AAR2: variants seen among roughly 807,000 people sequenced by gnomAD.
AAR2 encodes protein AAR2 homolog.
A neutral mutation model predicts 26.9 loss-of-function variants in AAR2; 31 were observed. That is an observed-to-expected ratio of 1.15 (90% CI 0.86 to 1.55). The LOEUF (loss-of-function observed/expected upper bound fraction) is 1.55. Among genes scored for constraint, AAR2 ranks in the 40% most tolerant of loss-of-function variants. AAR2 has a pLI of 0.00. For missense variants in AAR2, 430 were observed against 491.3 expected, an observed-to-expected ratio of 0.88 and a Z score of 1.18; for synonymous variants, 188 against 196.1, an observed-to-expected ratio of 0.96 and a Z score of 0.34.
intron 2 of AAR2, 100 bp downstream of exon 2, chr20:36,240,725 T>C: frequency 1.0e-5 from 15 of 1,429,638 alleles, no homozygotes; most frequent in Non-Finnish European, 5.6e-6. Context: ...CAGCAGCAAC[T>C]AAACCTGGCT....
intron 1 of AAR2, among the ~76,000 whole-genome samples, chr20:36,237,885 C>T (rs2064632053): frequency 6.6e-6 from 1 of 151,564 alleles, no homozygotes; most frequent in African/African-American, 2.4e-5. Context: ...CAGGTTCAAG[C>T]AATTCTTCTG....
chr20:36,245,207 T>G (rs2064722884), intron 3 of AAR2, among the ~76,000 whole-genome samples: 1 of 152,176 alleles, frequency 6.6e-6, no homozygotes, highest in South Asian at 2.1e-4. Flanking sequence ...TTACTCAGCT[T>G]AAAACAGCGT....
Position 36,240,102 on chromosome 20 carries a change from C to T in AAR2, c.234C>T (p.Phe78=), listed in dbSNP as rs770503157. Residue 78 remains phenylalanine (F), a synonymous_variant, in exon 2 of 4, where the codon TTC becomes TTT. Transcript: ENST00000320849. ...PKEVGPRMGF[F]LSLHQRGLTV... is the part of the protein sequence containing the mutation. ...AAGTAGGCCCTCGTATGGGTTTCTT[C>T]CTTAGCCTGCACCAGCGGGGGCTGA... 3.1e-6 allele frequency: 5 copies of T among 1,614,222 alleles called. No homozygotes were observed. The highest frequency in any genetic ancestry group is 4.2e-6 in the Non-Finnish European group (5 of 1,180,040).
At chr20:36,241,211 C>T (rs1374913815) in intron 2 of AAR2, among the ~76,000 whole-genome samples, 2 of 152,110 alleles carry the variant, frequency 1.3e-5, no homozygotes, top group African/African-American at 2.4e-5. Context: ...GGTATATTTA[C>T]GTTCCTTTTT....
chr20:36,247,906 A>AAG (rs2064749769), intron 3 of AAR2, among the ~76,000 whole-genome samples: 1 of 152,082 alleles, frequency 6.6e-6, no homozygotes, highest in African/African-American at 2.4e-5. Flanking sequence ...TGGTAAAAAA[A>AAG]AACACAATTT....
chr20:36,240,341 T>C lies in AAR2; in HGVS notation c.473T>C (p.Phe158Ser), dbSNP rs1369483625. The change falls in exon 2 of 4, where the codon TTT becomes TCT. Residue 158 changes from phenylalanine to serine, a missense_variant. Coordinates refer to ENST00000320849, the MANE Select transcript of AAR2 (RefSeq NM_001271874.2). ...CCCGAGAATCGACAGATCTGTGCCT[T>C]TTCCGATGTGCTACCTGTGCTCTCC... ...LQPENRQICAFSDVLPVLSMK... is the reference protein window; with the variant it reads ...LQPENRQICASSDVLPVLSMK... 2 of 1,614,070 alleles carry C rather than the reference T, an allele frequency of 1.2e-6. No individual in the cohort carries two copies. Among genetic ancestry groups the C allele is most frequent in the Non-Finnish European group, 1.7e-6 (2 of 1,180,042 alleles).
At chr20:36,240,812 C>A (rs1007825015) in intron 2 of AAR2, among the ~76,000 whole-genome samples, 187 bp downstream of exon 2, 1 of 152,140 alleles carries the variant, frequency 6.6e-6, no homozygotes, top group African/African-American at 2.4e-5. Context: ...GTGGGGCTTC[C>A]GCAGTTTCTA....
At position 36,256,023 on chromosome 20, in the gene AAR2, A is replaced by T. The variant is rs1458507771; in HGVS notation, c.*278A>T. The T allele has an allele frequency of 7.8e-6, 3 of 383,994 alleles. No individual in the cohort carries two copies. Among genetic ancestry groups the T allele is most frequent in the African/African-American group, 2.0e-5 (1 of 49,596 alleles). 23.8% of individuals were successfully genotyped at this position (383,994 alleles called of 1,614,324 possible). ...CAGGCTCTTACACACACACGCTCCT[A>T]GGAGACATCTGCCTACACGGCAACC... On this transcript the variant is annotated 3_prime_UTR_variant, in exon 4 of 4. Transcript: ENST00000320849.
chr20:36,242,122 A>G (rs1237714911), intron 2 of AAR2, among the ~76,000 whole-genome samples: 1 of 148,828 alleles, frequency 6.7e-6, no homozygotes, highest in Non-Finnish European at 1.5e-5. Context: ...AAGTTCAGTG[A>G]GAAATTTGAA....
intron 2 of AAR2, among the ~76,000 whole-genome samples, chr20:36,243,088 A>C (rs573431960): frequency 3.9e-5 from 6 of 152,230 alleles, no homozygotes; most frequent in African/African-American, 1.4e-4. Flanking sequence ...CCTGAACTCA[A>C]GCAATCCTCC....
chr20:36,244,002 A>AT (rs919076517), intron 2 of AAR2, among the ~76,000 whole-genome samples: 6 of 152,072 alleles, frequency 3.9e-5, no homozygotes, highest in Admixed American at 2.0e-4. Flanking sequence ...GTACTCATGA[A>AT]TTTTTCTTTT....
chr20:36,250,898 TAAGAAG>T (rs1367122034), intron 3 of AAR2, among the ~76,000 whole-genome samples: 1 of 151,362 alleles, frequency 6.6e-6, no homozygotes, highest in African/African-American at 2.4e-5. Flanking sequence ...TACAAAAAAT[TAAGAAG>T]AAAAAAAAAA....
chr20:36,238,035 C>T (rs994012372), intron 1 of AAR2, among the ~76,000 whole-genome samples: 9 of 151,994 alleles, frequency 5.9e-5, no homozygotes, highest in Admixed American at 2.6e-4. Context: ...CCATCCGCCT[C>T]GGCCTCCCAA....
rs1242402948 is a variant in AAR2 at position 36,242,139 on chromosome 20, ACTT to A, written c.757+1518_757+1520del. Among the ~76,000 whole-genome samples, 776 of 140,136 alleles carry A rather than the reference ACTT, an allele frequency of 5.5e-3. 6 individuals carry two copies. The highest frequency in any genetic ancestry group is 0.02 in the African/African-American group (744 of 36,714). 91.9% of individuals were successfully genotyped at this position (140,136 alleles called of 152,430 possible). A position where few individuals can be genotyped will look rare whatever the true frequency, so the allele number is the denominator to read the frequency against. On this transcript the variant is annotated intron_variant, in intron 2 of 3. Transcript: ENST00000320849. Reference sequence around the variant, plus strand: ...GTTCAGTGAGAAATTTGAATGTAGGACTTCTTTTTTTTTTTTTTTTTTTTTTGA... The same window carrying A: ...GTTCAGTGAGAAATTTGAATGTAGGACTTTTTTTTTTTTTTTTTTTTTTGA...
chr20:36,253,774 G>C (rs1601187268), intron 3 of AAR2, among the ~76,000 whole-genome samples: 1 of 152,170 alleles, frequency 6.6e-6, no homozygotes, highest in Non-Finnish European at 1.5e-5. Flanking sequence ...TTACAAATGG[G>C]CAAGGAAGTT....
chr20:36,247,231 C>G (rs1242664182), intron 3 of AAR2, among the ~76,000 whole-genome samples: 2 of 152,144 alleles, frequency 1.3e-5, no homozygotes, highest in African/African-American at 4.8e-5. Flanking sequence ...GAAGGCAGTC[C>G]TGCCCTAGTA....
intron 2 of AAR2, among the ~76,000 whole-genome samples, chr20:36,242,384 TG>T (rs2064692006): frequency 6.7e-6 from 1 of 149,436 alleles, no homozygotes; most frequent in Non-Finnish European, 1.5e-5. Flanking sequence ...TTGTTGTTGT[TG>T]TTGTTGTTGT....
chr20:36,247,593 C>T (rs2064746420), intron 3 of AAR2, among the ~76,000 whole-genome samples: 1 of 152,138 alleles, frequency 6.6e-6, no homozygotes, highest in Admixed American at 6.5e-5. Context: ...ACAGCTGGTC[C>T]ATGGTGGCTC....
At chr20:36,243,451 G>A (rs985842678) in intron 2 of AAR2, among the ~76,000 whole-genome samples, 7 of 152,186 alleles carry the variant, frequency 4.6e-5, no homozygotes, top group Admixed American at 4.6e-4. Flanking sequence ...CAGGTCTCTG[G>A]AGGTGGCACA....
Sources: gnomAD v4.1 joint callset for allele counts (sites outside exome capture counted in the v4.1 genomes callset) on GRCh38, gnomAD v4.1.1 for gene constraint, MANE v1.5 for transcripts, NCBI Gene and HGNC (gene_info 2026-07-23, HGNC 2026-07-21) for gene names.